The following ADARB2 variants were observed in gnomAD, a reference collection of about 807,000 sequenced individuals.
ADARB2 encodes the protein adenosine deaminase RNA specific B2 (inactive).
In ADARB2, 25 loss-of-function variants were observed where a neutral mutation model predicts 62.2. The observed-to-expected ratio is 0.40, with a 90% confidence interval of 0.29 to 0.56. The LOEUF is 0.56. Among genes scored for constraint, ADARB2 ranks in the 20% least tolerant of loss-of-function variants. ADARB2 has a pLI of 0.43. For missense variants in ADARB2, 1,071 were observed against 1,077.4 expected (o/e 0.99, Z 0.08); for synonymous variants, 572 against 500.8 (o/e 1.14, Z -1.90).
At chr10:1,550,265 C>T (rs1832596765) in intron 1 of ADARB2, among the ~76,000 whole-genome samples, 1 of 152,194 alleles carries the variant, frequency 6.6e-6, no homozygotes, top group Non-Finnish European at 1.5e-5. Context: ...TTTTTAAGCA[C>T]CTCCTTGTTG....
chr10:1,617,686 G>A (rs957077804), intron 1 of ADARB2, among the ~76,000 whole-genome samples: 16 of 136,918 alleles, frequency 1.2e-4, no homozygotes, highest in Middle Eastern at 4.8e-3. Context: ...ACTCCACACC[G>A]CCCTGCTGTG....
intron 4 of ADARB2, among the ~76,000 whole-genome samples, chr10:1,259,787 C>G (rs1376422290): frequency 3.9e-5 from 6 of 152,210 alleles, no homozygotes; most frequent in Non-Finnish European, 7.3e-5. Flanking sequence ...GGACTCCTCC[C>G]TAACTCATTT....
At chr10:1,348,562 C>G (rs934608715) in intron 3 of ADARB2, among the ~76,000 whole-genome samples, 6 of 152,334 alleles carry the variant, frequency 3.9e-5, no homozygotes, top group South Asian at 4.1e-4. Context: ...TGAGGCCCTC[C>G]CTGCAGCTCT....
intron 3 of ADARB2, among the ~76,000 whole-genome samples, chr10:1,308,022 T>C (rs1370192847): frequency 4.7e-5 from 7 of 149,608 alleles, no homozygotes; most frequent in Non-Finnish European, 8.9e-5. Context: ...ATGGCACATG[T>C]ATACATATGT....
At chr10:1,223,549 G>A (rs995911835) in intron 6 of ADARB2, among the ~76,000 whole-genome samples, 3 of 152,130 alleles carry the variant, frequency 2.0e-5, no homozygotes, top group South Asian at 2.1e-4. Context: ...GTATGATATT[G>A]GCTGTGGGTT....
Position 1,505,050 on chromosome 10 carries a change from A to G in ADARB2, c.101-125890T>C, listed in dbSNP as rs553164116. ...ACACAGCCACACATGCACGACACAC[A>G]GACACATGCATACAGACACACACGG... On this transcript the variant is annotated intron_variant, in intron 1 of 9. Transcript: ENST00000381312. 2.5e-4 allele frequency among the ~76,000 whole-genome samples: 38 copies of G among 152,096 alleles called. No individual in the cohort carries two copies. In the Middle Eastern group the frequency reaches 0.01, roughly 41 times the overall value.
At chr10:1,514,082 C>G (rs1831974084) in intron 1 of ADARB2, among the ~76,000 whole-genome samples, 1 of 149,328 alleles carries the variant, frequency 6.7e-6, no homozygotes, top group Non-Finnish European at 1.5e-5. Flanking sequence ...AAAAATTAGC[C>G]AGGCAAATCG....
At chr10:1,572,044 TGAGTGGACAGGG>T (rs1167393843) in intron 1 of ADARB2, among the ~76,000 whole-genome samples, 2 of 139,944 alleles carry the variant, frequency 1.4e-5, no homozygotes, top group East Asian at 2.2e-4. Context: ...AGTGTGCAGG[TGAGTGGACAGGG>T]GAGTGTGCAG....
At chr10:1,712,368 G>A (rs988981896) in intron 1 of ADARB2, among the ~76,000 whole-genome samples, 1 of 151,936 alleles carries the variant, frequency 6.6e-6, no homozygotes, top group Non-Finnish European at 1.5e-5. Context: ...AAATTACCTG[G>A]TTTCATGGCC....
chr10:1,341,100 A>G (rs1003390891), intron 3 of ADARB2, among the ~76,000 whole-genome samples: 9 of 146,298 alleles, frequency 6.2e-5, no homozygotes, highest in African/African-American at 1.8e-4. Flanking sequence ...AAAGTGTCCT[A>G]CAGTGGTGAT....
At chr10:1,263,608 G>A (rs1413078951) in intron 4 of ADARB2, among the ~76,000 whole-genome samples, 1 of 152,226 alleles carries the variant, frequency 6.6e-6, no homozygotes, top group African/African-American at 2.4e-5. Context: ...TGTTTGAACA[G>A]CTTTGATTGG....
chr10:1,337,001 G>A (rs1018426838), intron 3 of ADARB2, among the ~76,000 whole-genome samples: 2 of 151,452 alleles, frequency 1.3e-5, no homozygotes, highest in African/African-American at 4.9e-5. Flanking sequence ...GGAGATTAAT[G>A]GACTGGGTTA....
intron 1 of ADARB2, among the ~76,000 whole-genome samples, chr10:1,652,971 C>T (rs1004791451): frequency 2.0e-5 from 3 of 152,168 alleles, no homozygotes; most frequent in Admixed American, 6.5e-5. Flanking sequence ...CCCTGAGATG[C>T]CAAGCCCCTC....
chr10:1,367,644 A>C (rs930660616), intron 2 of ADARB2, among the ~76,000 whole-genome samples: 2 of 152,210 alleles, frequency 1.3e-5, no homozygotes, highest in Admixed American at 6.5e-5. Context: ...AAGATGGAGC[A>C]AAAAACCCAA....
intron 1 of ADARB2, among the ~76,000 whole-genome samples, chr10:1,687,263 T>C (rs2119122519): frequency 6.6e-6 from 1 of 152,306 alleles, no homozygotes; most frequent in Admixed American, 6.5e-5. Flanking sequence ...TGAACTCAAG[T>C]GATCCACCCA....
intron 1 of ADARB2, among the ~76,000 whole-genome samples, chr10:1,576,612 G>C (rs958319007): frequency 3.3e-5 from 5 of 152,248 alleles, no homozygotes; most frequent in Admixed American, 2.6e-4. Context: ...GTCTCAAGTG[G>C]GTGAGGGGCA....
At chr10:1,596,665 T>A (rs1833340187) in intron 1 of ADARB2, among the ~76,000 whole-genome samples, 1 of 152,160 alleles carries the variant, frequency 6.6e-6, no homozygotes. Context: ...AGGGGAGCAC[T>A]GCTCAGAATA....
intron 8 of ADARB2, among the ~76,000 whole-genome samples, chr10:1,188,818 T>G (rs560291313): frequency 6.6e-6 from 1 of 152,324 alleles, no homozygotes; most frequent in South Asian, 2.1e-4. Context: ...GTCTCACTAT[T>G]AGGTTTGCCG....
chr10:1,305,142 G>A (rs1410938956), intron 3 of ADARB2, among the ~76,000 whole-genome samples: 1 of 144,850 alleles, frequency 6.9e-6, no homozygotes, highest in Non-Finnish European at 1.5e-5. Flanking sequence ...CAACAAAATT[G>A]ATAGACCACT....
Sources: gnomAD v4.1 joint callset for allele counts (sites outside exome capture counted in the v4.1 genomes callset) on GRCh38, gnomAD v4.1.1 for gene constraint, MANE v1.5 for transcripts, NCBI Gene and HGNC (gene_info 2026-07-23, HGNC 2026-07-21) for gene names.